CNBD1: variants seen among roughly 807,000 people sequenced by gnomAD.
The protein encoded by CNBD1 is cyclic nucleotide binding domain containing 1.
In CNBD1, 71 loss-of-function variants were observed where a neutral mutation model predicts 54.4. The ratio of observed to expected loss-of-function variants is 1.30; its 90% confidence interval spans 1.08 to 1.59. CNBD1 has a LOEUF of 1.59. Ranked by LOEUF, CNBD1 falls within the 40% of genes most tolerant of loss-of-function variation. The pLI is 0.00. For synonymous variants in CNBD1, 182 were observed against 170.7 expected (o/e 1.07, Z -0.51); for missense variants, 659 against 518.0 (o/e 1.27, Z -2.64).
At chr8:87,148,376 A>G (rs1314707807) in intron 4 of CNBD1, among the ~76,000 whole-genome samples, 1 of 152,210 alleles carries the variant, frequency 6.6e-6, no homozygotes, top group Non-Finnish European at 1.5e-5. Context: ...ACATGTGTAC[A>G]AAATTATACT....
Position 87,411,397 on chromosome 8 carries a change from C to CTT in CNBD1, c.214-17149_214-17148insTT, listed in dbSNP as rs1554588017. Among the ~76,000 whole-genome samples the CTT allele has an allele frequency of 6.5e-5, 6 of 92,412 alleles. 1 individual carries two copies. Among genetic ancestry groups the CTT allele is most frequent in the African/African-American group, 2.6e-4 (6 of 23,014 alleles). 60.6% of individuals were successfully genotyped at this position (92,412 alleles called of 152,430 possible). A position where few individuals can be genotyped will look rare whatever the true frequency, so the allele number is the denominator to read the frequency against. ...ATAGGCAGGATTAACCTAGCTATAT[C>CTT]ATATATATATATATATATATATATA... On this transcript the variant is annotated intron_variant, in intron 2 of 7. Coordinates refer to the CNBD1 transcript ENST00000521593.
At chr8:87,203,147 A>T (rs1268995597) in intron 4 of CNBD1, among the ~76,000 whole-genome samples, 1 of 152,192 alleles carries the variant, frequency 6.6e-6, no homozygotes, top group Non-Finnish European at 1.5e-5. Context: ...ACGCTTGGTA[A>T]AGGAAGTATA....
At chr8:87,311,460 G>C (rs978006122) in intron 8 of CNBD1, among the ~76,000 whole-genome samples, 4 of 152,112 alleles carry the variant, frequency 2.6e-5, no homozygotes, top group Non-Finnish European at 5.9e-5. Flanking sequence ...AGATGCTGGT[G>C]AGGCTGCAGA....
At chr8:86,972,632 A>G (rs903854272) in intron 4 of CNBD1, among the ~76,000 whole-genome samples, 8 of 152,182 alleles carry the variant, frequency 5.3e-5, no homozygotes, top group African/African-American at 1.7e-4. Context: ...ACACACACAC[A>G]TCTTCACCAT....
chr8:87,180,687 T>A (rs918728445), intron 4 of CNBD1, among the ~76,000 whole-genome samples: 2 of 152,130 alleles, frequency 1.3e-5, no homozygotes, highest in Non-Finnish European at 1.5e-5. Flanking sequence ...AAACTTAGAA[T>A]TTTTTAGCAA....
chr8:87,353,899 C>T (rs766742209), intron 10 of CNBD1, 113 bp downstream of exon 10: 21 of 689,384 alleles, frequency 3.0e-5, no homozygotes, highest in Non-Finnish European at 2.4e-6. Context: ...TGGGGTTCAC[C>T]TGCAAAGGAT....
chr8:86,876,013 C>T (rs1056843693), intron 1 of CNBD1, among the ~76,000 whole-genome samples: 3 of 151,932 alleles, frequency 2.0e-5, no homozygotes, highest in East Asian at 3.9e-4. Flanking sequence ...CTCTGGTTTC[C>T]TTTTTCATGT....
At chr8:87,183,657 G>A (rs772033500) in intron 4 of CNBD1, among the ~76,000 whole-genome samples, 3 of 151,990 alleles carry the variant, frequency 2.0e-5, no homozygotes, top group Non-Finnish European at 2.9e-5. Context: ...CATCTGTATG[G>A]GCTGATAGTC....
At chr8:87,369,294 C>T (rs1563572957) in intron 10 of CNBD1, among the ~76,000 whole-genome samples, 1 of 151,962 alleles carries the variant, frequency 6.6e-6, no homozygotes, top group Non-Finnish European at 1.5e-5. Context: ...GTCAATTCTA[C>T]CATTCCGTAC....
At chr8:87,286,149 G>T (rs1418851764) in intron 7 of CNBD1, among the ~76,000 whole-genome samples, 1 of 152,054 alleles carries the variant, frequency 6.6e-6, no homozygotes, top group Admixed American at 6.6e-5. Flanking sequence ...TATTTGTTTT[G>T]ATTTTCAGAG....
At chr8:87,320,669 G>T (rs1809505921) in intron 8 of CNBD1, among the ~76,000 whole-genome samples, 1 of 151,588 alleles carries the variant, frequency 6.6e-6, no homozygotes. Context: ...AAAAAATACA[G>T]TAACTCAAAG....
At chr8:86,986,121 G>C (rs949302559) in intron 4 of CNBD1, among the ~76,000 whole-genome samples, 2 of 152,022 alleles carry the variant, frequency 1.3e-5, no homozygotes, top group African/African-American at 4.8e-5. Flanking sequence ...GTAGAGATAG[G>C]GTTTCACCAT....
In CNBD1 at chr8:87,351,286, A is replaced by G. The variant is rs192485045; in HGVS notation, c.1043-399A>G. Among the ~76,000 whole-genome samples, 9 of 152,310 alleles carry G rather than the reference A, an allele frequency of 5.9e-5. No individual in the cohort carries two copies. The East Asian group carries it at 1.7e-3, about 29-fold the overall frequency. On this transcript the variant is annotated intron_variant, in intron 8 of 10. Transcript: ENST00000518476. ...ATAGGCTCTGGAAAGTGAATTTTCA[A>G]ATATTTATCAATATTGTGGGTTTGT...
intron 6 of CNBD1, among the ~76,000 whole-genome samples, chr8:87,250,226 C>T (rs1807886968): frequency 6.6e-6 from 1 of 152,142 alleles, no homozygotes; most frequent in Non-Finnish European, 1.5e-5. Context: ...TGAAAGAATG[C>T]TCAACATAAT....
chr8:86,974,407 A>G (rs1489274191), intron 4 of CNBD1, among the ~76,000 whole-genome samples: 3 of 151,804 alleles, frequency 2.0e-5, no homozygotes, highest in Non-Finnish European at 4.4e-5. Context: ...CCACAGAGCA[A>G]CTATGTATGT....
Position 87,425,165 on chromosome 8 carries a change from G to T in CNBD1, c.214-3381G>T, listed in dbSNP as rs1454244073. The stretch of plus-strand genomic sequence containing the variant: ...CGTAGTTCTCGGGCCTTGGTTTTCA[G>T]CTCCATCAGCTCCTTTAAACACTTC... On this transcript the variant is annotated intron_variant, in intron 2 of 7. Transcript: ENST00000521593. Among the ~76,000 whole-genome samples, 12 of 152,182 alleles carry T rather than the reference G, an allele frequency of 7.9e-5. No individual in the cohort carries two copies. The South Asian group carries it at 2.3e-3, about 29-fold the overall frequency.
chr8:87,401,112 T>C (rs1461758997), intron 2 of CNBD1, among the ~76,000 whole-genome samples: 1 of 152,038 alleles, frequency 6.6e-6, no homozygotes, highest in Admixed American at 6.6e-5. Flanking sequence ...CAAAAATTCC[T>C]ACACTCCAAA....
rs576603094 is a variant in CNBD1 at position 86,938,053 on chromosome 8, C to A, written c.273-1543C>A. Among the ~76,000 whole-genome samples the A allele has an allele frequency of 3.9e-5, 6 of 152,282 alleles. 1 individual carries two copies. In the South Asian group the frequency reaches 1.2e-3, roughly 32 times the overall value. ...CCCAAATCAGCTCTTGAACACTTTG[C>A]AGCATAGAAATTTCTTCTGCTAGAT... On this transcript the variant is annotated intron_variant, in intron 3 of 10. Transcript: ENST00000518476.
At chr8:86,922,324 G>A (rs1809287846) in intron 3 of CNBD1, among the ~76,000 whole-genome samples, 1 of 152,060 alleles carries the variant, frequency 6.6e-6, no homozygotes. Context: ...AGGAAGAAAG[G>A]AAGAGAAAGA....
Sources: allele counts gnomAD v4.1 joint callset (sites outside exome capture counted in the v4.1 genomes callset), GRCh38; gene constraint gnomAD v4.1.1; transcripts MANE v1.5; gene names NCBI Gene and HGNC (gene_info 2026-07-23, HGNC 2026-07-21).